RABGAP1L: variants seen among roughly 807,000 people sequenced by gnomAD.
RABGAP1L encodes the protein RAB GTPase activating protein 1 like.
A neutral mutation model predicts 137.7 loss-of-function variants in RABGAP1L; 63 were observed. That is an observed-to-expected ratio of 0.46 (90% CI 0.37 to 0.56). RABGAP1L has a LOEUF of 0.56. RABGAP1L is among the 20% of genes least tolerant of loss of function. The pLI is 0.00. For synonymous variants in RABGAP1L, 431 were observed against 433.7 expected (o/e 0.99, Z 0.08); for missense variants, 1,095 against 1,244.0 (o/e 0.88, Z 1.80).
At chr1:174,961,862 A>G (rs1355144262) in intron 20 of RABGAP1L, among the ~76,000 whole-genome samples, 4 of 140,988 alleles carry the variant, frequency 2.8e-5, no homozygotes, top group Admixed American at 6.9e-5. Flanking sequence ...AAAAAAAAAA[A>G]AAAAAAAGAA....
At chr1:174,829,783 A>T (rs543784260) in intron 19 of RABGAP1L, among the ~76,000 whole-genome samples, 1 of 148,688 alleles carries the variant, frequency 6.7e-6, no homozygotes, top group Non-Finnish European at 1.5e-5. Context: ...ATCTTTATGT[A>T]TGAAGTTATA....
intron 19 of RABGAP1L, among the ~76,000 whole-genome samples, chr1:174,941,180 A>G (rs1665806190): frequency 6.6e-6 from 1 of 152,126 alleles, no homozygotes; most frequent in Non-Finnish European, 1.5e-5. Context: ...TACCCCTCTC[A>G]TAGCCCTATC....
At chr1:174,359,406 A>G (rs555778250) in intron 11 of RABGAP1L, among the ~76,000 whole-genome samples, 1 of 152,294 alleles carries the variant, frequency 6.6e-6, no homozygotes, top group South Asian at 2.1e-4. Context: ...TTCAGAGAGG[A>G]AGATAGATCT....
intron 19 of RABGAP1L, among the ~76,000 whole-genome samples, chr1:174,952,956 A>G (rs1025994359): frequency 1.3e-5 from 2 of 149,510 alleles, no homozygotes; most frequent in African/African-American, 2.5e-5. Context: ...TGAGGTTAGG[A>G]GTTCAAGAGC....
chr1:174,356,846 T>C (rs949433688), intron 11 of RABGAP1L, among the ~76,000 whole-genome samples: 1 of 152,198 alleles, frequency 6.6e-6, no homozygotes, highest in Admixed American at 6.5e-5. Context: ...ATTCAAAGAA[T>C]GACAGCTAAC....
chr1:174,942,008 G>A (rs1182593420), intron 19 of RABGAP1L, among the ~76,000 whole-genome samples: 1 of 152,196 alleles, frequency 6.6e-6, no homozygotes, highest in African/African-American at 2.4e-5. Flanking sequence ...GCACATGCAT[G>A]TACTTACCAA....
chr1:174,595,727 T>G (rs912399176), intron 13 of RABGAP1L, among the ~76,000 whole-genome samples: 2 of 110,670 alleles, frequency 1.8e-5, no homozygotes, highest in Non-Finnish European at 3.6e-5. Flanking sequence ...GATCTCCAGC[T>G]GCGTGCTGGG....
At chr1:174,505,895 A>G (rs1328566884) in intron 13 of RABGAP1L, among the ~76,000 whole-genome samples, 2 of 152,228 alleles carry the variant, frequency 1.3e-5, no homozygotes, top group African/African-American at 4.8e-5. Flanking sequence ...TATGTCATCA[A>G]CCTGAGTCCA....
At chr1:174,723,733 T>A (rs965661708) in intron 17 of RABGAP1L, among the ~76,000 whole-genome samples, 1 of 152,328 alleles carries the variant, frequency 6.6e-6, no homozygotes, top group Non-Finnish European at 1.5e-5. Flanking sequence ...GTACAAATAT[T>A]TTTTTCACAT....
intron 14 of RABGAP1L, among the ~76,000 whole-genome samples, chr1:174,654,762 G>A (rs924445483): frequency 2.6e-5 from 4 of 152,066 alleles, no homozygotes; most frequent in Admixed American, 2.6e-4. Context: ...CTTACATATA[G>A]GAATTTTGCC....
chr1:174,763,494 C>T (rs1395025705), intron 18 of RABGAP1L, among the ~76,000 whole-genome samples: 1 of 149,076 alleles, frequency 6.7e-6, no homozygotes, highest in Admixed American at 6.6e-5. Context: ...ACTAAAAATA[C>T]AAAAAAATTA....
chr1:174,181,862 T>C (rs1312184530), intron 1 of RABGAP1L, among the ~76,000 whole-genome samples: 1 of 152,226 alleles, frequency 6.6e-6, no homozygotes, highest in Non-Finnish European at 1.5e-5. Context: ...AATGATTATT[T>C]ACATAGGTAA....
chr1:174,917,932 T>TAAAA (rs77326102), intron 19 of RABGAP1L, among the ~76,000 whole-genome samples: 1 of 116,466 alleles, frequency 8.6e-6, no homozygotes, highest in Non-Finnish European at 1.8e-5. Flanking sequence ...GACTCTGTCT[T>TAAAA]AAAAAAAAAA....
intron 4 of RABGAP1L, among the ~76,000 whole-genome samples, chr1:174,232,957 C>CTGGT (rs1346026483): frequency 6.6e-6 from 1 of 152,080 alleles, no homozygotes; most frequent in Non-Finnish European, 1.5e-5. Context: ...CTGCCATAGA[C>CTGGT]TGGTGGTTTA....
chr1:174,800,464 G>A (rs945055746), intron 18 of RABGAP1L: 3 of 1,550,976 alleles, frequency 1.9e-6, no homozygotes, highest in Non-Finnish European at 2.6e-6. Flanking sequence ...AACTTCTGGG[G>A]ATGGGGCATC....
At chr1:174,701,093 T>C (rs1406584352) in intron 16 of RABGAP1L, 3 of 1,304,290 alleles carry the variant, frequency 2.3e-6, no homozygotes, top group Non-Finnish European at 3.0e-6. Context: ...ATTCTTCTTT[T>C]TGTGGTCTAT....
intron 11 of RABGAP1L, among the ~76,000 whole-genome samples, chr1:174,343,821 C>G (rs1682195715): frequency 6.6e-6 from 1 of 152,090 alleles, no homozygotes; most frequent in South Asian, 2.1e-4. Flanking sequence ...TTTGGGCTCT[C>G]AGCACATTAT....
intron 13 of RABGAP1L, among the ~76,000 whole-genome samples, chr1:174,561,615 A>G (rs1242368711): frequency 2.0e-5 from 3 of 152,214 alleles, no homozygotes; most frequent in Non-Finnish European, 4.4e-5. Flanking sequence ...ACTATACTAC[A>G]AGGCTACAGT....
intron 1 of RABGAP1L, among the ~76,000 whole-genome samples, chr1:174,204,887 C>T (rs1053464939): frequency 6.6e-6 from 1 of 152,188 alleles, no homozygotes; most frequent in African/African-American, 2.4e-5. Context: ...CCTTCGCCTT[C>T]TGCTATGATT....
Sources: gnomAD v4.1 joint callset for allele counts (sites outside exome capture counted in the v4.1 genomes callset) on GRCh38, gnomAD v4.1.1 for gene constraint, MANE v1.5 for transcripts, NCBI Gene and HGNC (gene_info 2026-07-23, HGNC 2026-07-21) for gene names.